CLINT1: variants seen among roughly 807,000 people sequenced by gnomAD.
The protein encoded by CLINT1 is clathrin interacting protein localized in the trans-Golgi region.
Under a neutral mutation model 70.4 loss-of-function variants are expected in CLINT1, and 15 were observed. The observed-to-expected ratio is 0.21, with a 90% CI of 0.14 to 0.33. The LOEUF is 0.33. CLINT1 is among the 10% of genes least tolerant of loss of function. The pLI is 1.00. For missense variants in CLINT1, 615 were observed against 778.1 expected (o/e 0.79, Z 2.49); for synonymous variants, 227 against 254.7 (o/e 0.89, Z 1.04).
intron 1 of CLINT1, among the ~76,000 whole-genome samples, chr5:157,829,078 G>A (rs1161104672): frequency 6.6e-6 from 1 of 151,962 alleles, no homozygotes; most frequent in Non-Finnish European, 1.5e-5. Context: ...CTCCAGCCTG[G>A]GCATGGAAGC....
chr5:157,792,626 T>C (rs1342252084), intron 9 of CLINT1, among the ~76,000 whole-genome samples: 3 of 152,204 alleles, frequency 2.0e-5, no homozygotes, highest in Admixed American at 6.6e-5. Context: ...GCACATTGCC[T>C]GCTTCAACTG....
intron 1 of CLINT1, among the ~76,000 whole-genome samples, chr5:157,850,852 T>G (rs1753548810): frequency 1.3e-5 from 2 of 152,206 alleles, no homozygotes; most frequent in South Asian, 4.1e-4. Flanking sequence ...TAGAGTGCAG[T>G]GGCACAATCA....
chr5:157,789,778 C>T (rs1761845892), intron 10 of CLINT1: 1 of 555,720 alleles, frequency 1.8e-6, no homozygotes, highest in Non-Finnish European at 3.2e-6. Context: ...AACTTACCTA[C>T]ACTAACAATT....
chr5:157,815,380 T>C (rs527596033), intron 3 of CLINT1, among the ~76,000 whole-genome samples: 3 of 149,166 alleles, frequency 2.0e-5, no homozygotes, highest in East Asian at 2.1e-4. Flanking sequence ...CTAATGGGTG[T>C]AGGGTTTCTT....
At chr5:157,790,256 A>C (rs1761861756) in intron 10 of CLINT1, 1 of 173,140 alleles carries the variant, frequency 5.8e-6, no homozygotes, top group African/African-American at 2.4e-5. Flanking sequence ...TTATACAAGG[A>C]TATAAGGCAA....
intron 5 of CLINT1, among the ~76,000 whole-genome samples, chr5:157,810,915 T>C (rs1762535998): frequency 6.6e-6 from 1 of 152,194 alleles, no homozygotes; most frequent in Non-Finnish European, 1.5e-5. Context: ...CTCCTAAAAT[T>C]GCAAGGCTAA....
At chr5:157,845,410 A>AT (rs1279745189) in intron 1 of CLINT1, among the ~76,000 whole-genome samples, 1 of 151,974 alleles carries the variant, frequency 6.6e-6, no homozygotes, top group Non-Finnish European at 1.5e-5. Context: ...TTCCCAAGTA[A>AT]TTTTTTAATT....
At chr5:157,845,091 G>A (rs1423316205) in intron 1 of CLINT1, among the ~76,000 whole-genome samples, 1 of 152,204 alleles carries the variant, frequency 6.6e-6, no homozygotes, top group Non-Finnish European at 1.5e-5. Context: ...GCTCACGCCT[G>A]TAATCCCAGC....
rs750539984 is a variant in CLINT1, at chr5:157,787,380, T to TA, written c.*265dup. 9.0e-4 allele frequency: 426 copies of TA among 472,268 alleles called. No homozygotes were observed. Among genetic ancestry groups the TA allele is most frequent in the South Asian group, 1.3e-3 (47 of 35,540 alleles). The allele number at this position is 472,268 out of a possible 1,614,324, so 29.3% of individuals were successfully genotyped here. A position where few individuals can be genotyped will look rare whatever the true frequency, so the allele number is the denominator to read the frequency against. On this transcript the variant is annotated 3_prime_UTR_variant, in exon 12 of 12. Coordinates refer to ENST00000411809, the MANE Select transcript of CLINT1 (RefSeq NM_014666.4). ...GCTGTTAAATGGACTCTTCAGTTGATAAAGGCTTTCAATGGTCTCACCACC... is the reference window on the plus strand; with the variant it reads ...GCTGTTAAATGGACTCTTCAGTTGATAAAAGGCTTTCAATGGTCTCACCACC...
At chr5:157,804,272 G>A (rs566988101) in intron 7 of CLINT1, among the ~76,000 whole-genome samples, 1 of 152,000 alleles carries the variant, frequency 6.6e-6, no homozygotes, top group African/African-American at 2.4e-5. Context: ...ACACAAGTTA[G>A]TATAATTCTA....
At chr5:157,807,385 ATTTT>A (rs1762420382) in intron 6 of CLINT1, among the ~76,000 whole-genome samples, 2 of 152,076 alleles carry the variant, frequency 1.3e-5, no homozygotes, top group Non-Finnish European at 2.9e-5. Context: ...TTGGTGTCCA[ATTTT>A]ATTTCAGCGC....
chr5:157,833,622 CT>C (rs1763319364), intron 1 of CLINT1, among the ~76,000 whole-genome samples: 3 of 152,160 alleles, frequency 2.0e-5, no homozygotes, highest in Admixed American at 2.0e-4. Flanking sequence ...GCACCCTTTG[CT>C]TTCTACTACC....
intron 1 of CLINT1, among the ~76,000 whole-genome samples, chr5:157,817,806 T>TA (rs562172471): frequency 3.9e-5 from 6 of 152,134 alleles, no homozygotes; most frequent in Admixed American, 3.9e-4. Flanking sequence ...TTAAGTCCAG[T>TA]AAAAAATGGC....
At position 157,806,227 on chromosome 5, in the gene CLINT1, G is replaced by C. The variant is rs1762379505; in HGVS notation, c.696-115C>G. ...CAGTAACTCCAAAATTTCATACTTT[G>C]ACTACTTGACAGGGATCAACAGAAT... On this transcript the variant is annotated intron_variant, in intron 6 of 11. Transcript: ENST00000411809. 27 of 1,007,558 alleles carry C rather than the reference G, an allele frequency of 2.7e-5. No homozygotes were observed. In the Middle Eastern group the frequency reaches 8.1e-4, roughly 30 times the overall value. The allele number at this position is 1,007,558 out of a possible 1,614,324, so 62.4% of individuals were successfully genotyped here.
Position 157,817,540 on chromosome 5 carries a change from C to G in CLINT1, c.49G>C (p.Val17Leu). The change falls in exon 2 of 12, where the codon GTT becomes CTT. Residue 17 changes from valine to leucine, a missense_variant. Physicochemically the swap from Val to Leu is conservative, Grantham distance 32. Around this residue, in one of 2 missense-constraint regions of CLINT1, gnomAD observed 241 missense variants for 368.6 expected, o/e 0.65. Coordinates refer to ENST00000411809, the MANE Select transcript of CLINT1 (RefSeq NM_014666.4). ...TCGATCTCTGAATAATTCATAACAA[C>G]ATTGGTGCTGTAGAGGAAAAAAATG... ...VRELVDKATN[V>L]VMNYSEIESK... 2 of 1,594,666 alleles carry G rather than the reference C, an allele frequency of 1.3e-6. No homozygotes were observed. Among genetic ancestry groups the G allele is most frequent in the Admixed American group, 3.5e-5 (2 of 57,478 alleles).
intron 5 of CLINT1, among the ~76,000 whole-genome samples, chr5:157,811,401 C>T (rs899201026): frequency 1.3e-5 from 2 of 152,004 alleles, no homozygotes; most frequent in African/African-American, 4.8e-5. Flanking sequence ...GGCATGGTGG[C>T]TCACGCCTGT....
At chr5:157,851,581 G>C (rs1753576033) in intron 1 of CLINT1, among the ~76,000 whole-genome samples, 1 of 128,306 alleles carries the variant, frequency 7.8e-6, no homozygotes, top group African/African-American at 2.8e-5. Flanking sequence ...CCAGCTACTT[G>C]GGAGGATCGC....
rs138528241 is a variant in CLINT1, at chr5:157,826,326, T to C, written c.42-8779A>G. Among the ~76,000 whole-genome samples, 59 of 152,298 alleles carry C rather than the reference T, an allele frequency of 3.9e-4. No homozygotes were observed. In the East Asian group the frequency reaches 8.9e-3, roughly 23 times the overall value. On this transcript the variant is annotated intron_variant, in intron 1 of 11. Coordinates refer to ENST00000411809, the MANE Select transcript of CLINT1 (RefSeq NM_014666.4). Reference sequence around the variant, plus strand: ...AAAGTCTTATTTCTCAGGTAAACTTTTGCATAGCAGAACACTTCATAAATT... The same window carrying C: ...AAAGTCTTATTTCTCAGGTAAACTTCTGCATAGCAGAACACTTCATAAATT...
At chr5:157,811,236 G>A (rs1762546333) in intron 5 of CLINT1, among the ~76,000 whole-genome samples, 1 of 152,180 alleles carries the variant, frequency 6.6e-6, no homozygotes, top group Non-Finnish European at 1.5e-5. Flanking sequence ...ATTATCTAAT[G>A]TCAGAATGAA....
Sources: gnomAD v4.1 joint callset for allele counts (sites outside exome capture counted in the v4.1 genomes callset) on GRCh38, gnomAD v4.1.1 for gene constraint, gnomAD v4.1.1 regional missense constraint, MANE v1.5 for transcripts, NCBI Gene and HGNC (gene_info 2026-07-23, HGNC 2026-07-21) for gene names.